GTF3C5: variants seen among roughly 807,000 people sequenced by gnomAD.
GTF3C5 encodes the protein general transcription factor 3C polypeptide 5.
In GTF3C5, 47 loss-of-function variants were observed where a neutral mutation model predicts 61.0. That is an observed-to-expected ratio of 0.77 (90% CI 0.61 to 0.98). GTF3C5 has a LOEUF of 0.98. Ranked by LOEUF, GTF3C5 falls within the 50% of genes least tolerant of loss-of-function variation. The pLI is 0.00. For missense variants in GTF3C5, 659 were observed against 703.3 expected (o/e 0.94, Z 0.71); for synonymous variants, 295 against 275.4 (o/e 1.07, Z -0.71).
upstream of GTF3C5, chr9:133,030,743 G>C (rs1849700330): frequency 1.7e-6 from 1 of 578,608 alleles, no homozygotes; most frequent in South Asian, 2.0e-5. Context: ...CTGGCTAGTA[G>C]GAGAGACTGG....
intron 5 of GTF3C5, among the ~76,000 whole-genome samples, chr9:133,052,668 G>A (rs1284332830): frequency 2.6e-5 from 4 of 152,072 alleles, no homozygotes; most frequent in South Asian, 2.1e-4. Flanking sequence ...GATCCTCCCC[G>A]CTGCCAGGCC....
intron 2 of GTF3C5, among the ~76,000 whole-genome samples, chr9:133,042,790 G>A (rs1033660957): frequency 8.5e-5 from 13 of 152,218 alleles, no homozygotes; most frequent in Non-Finnish European, 2.9e-5. Context: ...AAGCAATAAA[G>A]CAAGGGAGGG....
rs1200375422 is a variant in GTF3C5 at position 133,055,128 on chromosome 9, G to A, written c.1167+319G>A. On this transcript the variant is annotated intron_variant, in intron 8 of 10. Transcript: ENST00000372097. ...CCACTGAGCCACGTGACCACTCCGG[G>A]AATGATCGGAATTGGGCACACACAG... 6 of 1,548,556 alleles carry A rather than the reference G, an allele frequency of 3.9e-6. No individual in the cohort carries two copies. In the South Asian group the frequency reaches 6.0e-5, roughly 16 times the overall value.
chr9:133,053,791 C>T (rs1829833143), intron 5 of GTF3C5, 37 bp from the exon 6 acceptor site: 1 of 1,382,784 alleles, frequency 7.2e-7, no homozygotes, highest in Non-Finnish European at 1.0e-6. Context: ...CCTGGGCCTT[C>T]ACCTCACCTC....
Position 133,054,449 on chromosome 9 carries a change from A to G in GTF3C5, c.1030A>G (p.Thr344Ala). The change falls in exon 7 of 11, where the codon ACC (threonine) becomes GCC (alanine). Residue 344 changes from threonine to alanine, a missense_variant. Thr to Ala is a moderately conservative substitution (Grantham distance 58). Transcript: ENST00000372097. ...SDLPVKAKRSTYNYSLPITVK... is the reference protein window; with the variant it reads ...SDLPVKAKRSAYNYSLPITVK... ...CTTGCCGGTCAAAGCAAAGCGCAGCACCTACAACTACAGCCTCCCCATCAC... is the reference window on the plus strand; with the variant it reads ...CTTGCCGGTCAAAGCAAAGCGCAGCGCCTACAACTACAGCCTCCCCATCAC... 1.2e-6 allele frequency: 2 copies of G among 1,614,174 alleles called. No individual in the cohort carries two copies. The highest frequency in any genetic ancestry group is 4.5e-5 in the East Asian group (2 of 44,890).
At chr9:133,032,652 A>C (rs965040597) in intron 1 of GTF3C5, among the ~76,000 whole-genome samples, 3 of 151,730 alleles carry the variant, frequency 2.0e-5, no homozygotes, top group African/African-American at 7.3e-5. Flanking sequence ...AGGCGGGGGG[A>C]AATTGGAGGT....
In GTF3C5 at chr9:133,040,733, G is replaced by T. The variant is rs544992228; in HGVS notation, c.154-1354G>T. Among the ~76,000 whole-genome samples, 11 of 152,158 alleles carry T rather than the reference G, an allele frequency of 7.2e-5. No homozygotes were observed. The South Asian group carries it at 1.9e-3, about 26-fold the overall frequency. On this transcript the variant is annotated intron_variant, in intron 1 of 10. Coordinates refer to ENST00000372097, the MANE Select transcript of GTF3C5 (RefSeq NM_012087.4). ...GTAGTTGTTAGAGTAGGTAACCCTA[G>T]ACAAGCCACTCCACCCCGCACCAAG...
Position 133,052,173 on chromosome 9 carries a change from C to G in GTF3C5, c.873+9C>G. Reference sequence around the variant, plus strand: ...TCATAGCCTATTACATGGTAAGTGTCAGCTGCCCACCCACCTGCCTTGGTT... The same window carrying G: ...TCATAGCCTATTACATGGTAAGTGTGAGCTGCCCACCCACCTGCCTTGGTT... On this transcript the variant is annotated intron_variant, in intron 5 of 10. Transcript: ENST00000372097. 6.9e-7 allele frequency: 1 copy of G among 1,439,014 alleles called. No individual in the cohort carries two copies. The highest frequency in any genetic ancestry group is 1.7e-5 in the Admixed American group (1 of 57,450). The allele number at this position is 1,439,014 out of a possible 1,614,324, so 89.1% of individuals were successfully genotyped here.
intron 6 of GTF3C5, 119 bp from the exon 7 acceptor site, chr9:133,054,288 TG>T: frequency 1.3e-6 from 1 of 774,874 alleles, no homozygotes; most frequent in Non-Finnish European, 2.2e-6. Context: ...CTTGGCAGTC[TG>T]GGGTTGCCCT....
chr9:133,048,483 T>C (rs804169), intron 3 of GTF3C5, among the ~76,000 whole-genome samples: 151,901 of 152,286 alleles, frequency 1, 75,760 homozygotes, highest in Middle Eastern at 1. Flanking sequence ...GGCGACCGAG[T>C]GACACCCCAT....
upstream of GTF3C5, chr9:133,030,990 G>GGGCCCTGCCA: frequency 6.2e-7 from 1 of 1,611,606 alleles, no homozygotes; most frequent in Non-Finnish European, 8.5e-7. Flanking sequence ...GGACCCTGGC[G>GGGCCCTGCCA]GGCCCTGCCA....
At chr9:133,035,815 G>T (rs1849845813) in intron 1 of GTF3C5, among the ~76,000 whole-genome samples, 1 of 152,150 alleles carries the variant, frequency 6.6e-6, no homozygotes, top group African/African-American at 2.4e-5. Context: ...ATTTCTTCTG[G>T]CAGCTGGAGG....
intron 2 of GTF3C5, among the ~76,000 whole-genome samples, chr9:133,043,249 C>G (rs1180558338): frequency 6.6e-6 from 1 of 152,186 alleles, no homozygotes; most frequent in Non-Finnish European, 1.5e-5. Flanking sequence ...CCAAGTGATT[C>G]ATAAAACATA....
At chr9:133,048,680 A>G (rs1373375443) in intron 3 of GTF3C5, among the ~76,000 whole-genome samples, 1 of 152,172 alleles carries the variant, frequency 6.6e-6, no homozygotes, top group East Asian at 1.9e-4. Flanking sequence ...AAAAAAAAGA[A>G]AACAGCACTT....
rs537195860 is a variant in GTF3C5, at chr9:133,057,307, G to A, written c.1393+399G>A. On this transcript the variant is annotated intron_variant, in intron 10 of 10. Coordinates refer to ENST00000372097, the MANE Select transcript of GTF3C5 (RefSeq NM_012087.4). Reference sequence around the variant, plus strand: ...CCCCTTCCTGGAACCAGGCAGCCCTGGCAGGAGTGAGGGCCAGCTGCAGGG... The same window carrying A: ...CCCCTTCCTGGAACCAGGCAGCCCTAGCAGGAGTGAGGGCCAGCTGCAGGG... 3.3e-5 allele frequency among the ~76,000 whole-genome samples: 5 copies of A among 152,346 alleles called. No individual in the cohort carries two copies. In the South Asian group the frequency reaches 8.3e-4, roughly 25 times the overall value.
intron 8 of GTF3C5, chr9:133,055,138 A>G: frequency 1.9e-6 from 3 of 1,547,570 alleles, no homozygotes; most frequent in Non-Finnish European, 2.6e-6. Context: ...GAATGATCGG[A>G]ATTGGGCACA....
At chr9:133,038,235 G>A (rs543803540) in intron 1 of GTF3C5, among the ~76,000 whole-genome samples, 94 of 152,270 alleles carry the variant, frequency 6.2e-4, no homozygotes, top group African/African-American at 2.2e-3. Flanking sequence ...ACTCAACCTG[G>A]ATATCTAATA....
intron 3 of GTF3C5, among the ~76,000 whole-genome samples, chr9:133,044,562 T>TCCCTG (rs1016192321): frequency 2.0e-5 from 3 of 152,104 alleles, no homozygotes; most frequent in African/African-American, 7.2e-5. Flanking sequence ...TTATCATCTG[T>TCCCTG]CCCTGCCCTG....
intron 1 of GTF3C5, among the ~76,000 whole-genome samples, chr9:133,038,948 G>T (rs1849959124): frequency 6.6e-6 from 1 of 152,186 alleles, no homozygotes; most frequent in Non-Finnish European, 1.5e-5. Flanking sequence ...TATGTTGTTA[G>T]GATTAGAGGT....
Sources: gnomAD v4.1 joint callset for allele counts (sites outside exome capture counted in the v4.1 genomes callset) on GRCh38, gnomAD v4.1.1 for gene constraint, MANE v1.5 for transcripts, NCBI Gene and HGNC (gene_info 2026-07-23, HGNC 2026-07-21) for gene names.